Variants in RAB21 observed in about 807,000 individuals in gnomAD.
RAB21 encodes RAB21, member RAS oncogene family.
RAB21 carries 13 observed loss-of-function variants against 33.1 expected under a neutral mutation model. The ratio of observed to expected loss-of-function variants is 0.39; its 90% CI spans 0.26 to 0.62. RAB21 has a LOEUF of 0.62. Among genes scored for constraint, RAB21 ranks in the 20% least tolerant of loss-of-function variants. The probability of loss-of-function intolerance (pLI) is 0.48; values close to 1 mark genes in which losing one functional copy is unlikely to be tolerated. For missense variants in RAB21, 234 were observed against 279.1 expected (o/e 0.84, Z 1.15); for synonymous variants, 91 against 103.7 (o/e 0.88, Z 0.74).
Position 71,796,732 on chromosome 12 carries a change from G to T in RAB21, c.*11059G>T, listed in dbSNP as rs1458005045. ...AATCATACATAATTTCAAGGAAACT[G>T]CTAGAGACAATGTTGAGTATCATCA... On this transcript the variant is annotated 3_prime_UTR_variant, in exon 7 of 7. Transcript: ENST00000261263. 1.1e-5 allele frequency: 1 copy of T among 90,972 alleles called. No individual in the cohort carries two copies. The highest frequency in any genetic ancestry group is 1.2e-4 in the Admixed American group (1 of 8,220). 5.6% of individuals were successfully genotyped at this position (90,972 alleles called of 1,614,324 possible).
intron 6 of RAB21, among the ~76,000 whole-genome samples, chr12:71,783,633 A>G (rs1453224718): frequency 6.6e-6 from 1 of 152,208 alleles, no homozygotes; most frequent in Non-Finnish European, 1.5e-5. Flanking sequence ...GCCGAATCAG[A>G]ATTTCTAGGG....
chr12:71,768,581 G>A (rs1439216189), intron 1 of RAB21, among the ~76,000 whole-genome samples: 1 of 151,726 alleles, frequency 6.6e-6, no homozygotes, highest in East Asian at 1.9e-4. Flanking sequence ...CTCCAATTTT[G>A]TAAGTGTTCT....
intron 1 of RAB21, among the ~76,000 whole-genome samples, chr12:71,761,748 T>A (rs761121245): frequency 6.6e-6 from 1 of 152,204 alleles, no homozygotes; most frequent in South Asian, 2.1e-4. Flanking sequence ...CCTAGTCTAC[T>A]ACTTCTTAAA....
Position 71,754,948 on chromosome 12 carries a change from C to A in RAB21, c.-182C>A. 2 of 386,744 alleles carry A rather than the reference C, an allele frequency of 5.2e-6. No homozygotes were observed. Among genetic ancestry groups the A allele is most frequent in the South Asian group, 1.1e-4 (1 of 9,480 alleles). 24.0% of individuals were successfully genotyped at this position (386,744 alleles called of 1,614,324 possible). A position where few individuals can be genotyped will look rare whatever the true frequency, so the allele number is the denominator to read the frequency against. On this transcript the variant is annotated 5_prime_UTR_variant, in exon 1 of 7. Coordinates refer to ENST00000261263, the MANE Select transcript of RAB21 (RefSeq NM_014999.4). The stretch of plus-strand genomic sequence containing the variant: ...CGGTGCCTGACGTGGTGGGCTGGGG[C>A]CCTTCATTCTCGGACTTTCCCTCAG...
At position 71,799,510 on chromosome 12, in the gene RAB21, T is replaced by C. The variant is rs1482478274; in HGVS notation, c.*13837T>C. ...TATATCCTGTAAATATGCTTATGTA[T>C]GAAGGAAATGAGTTTGTACAACGTT... is the stretch of plus-strand genomic sequence containing the variant. On this transcript the variant is annotated 3_prime_UTR_variant, in exon 7 of 7. Coordinates refer to ENST00000261263, the MANE Select transcript of RAB21 (RefSeq NM_014999.4). 1 of 152,188 alleles carries C rather than the reference T, an allele frequency of 6.6e-6. No homozygotes were observed. Among genetic ancestry groups the C allele is most frequent in the Non-Finnish European group, 1.5e-5 (1 of 68,042 alleles). 9.4% of individuals were successfully genotyped at this position (152,188 alleles called of 1,614,324 possible).
At chr12:71,777,217 C>CA (rs1883134035) in intron 4 of RAB21, among the ~76,000 whole-genome samples, 1 of 152,148 alleles carries the variant, frequency 6.6e-6, no homozygotes, top group African/African-American at 2.4e-5. Context: ...GTTTTCCCCT[C>CA]ACCATTCCCC....
rs866318271 is a variant in RAB21, at chr12:71,794,461, C to T, written c.*8788C>T. ...TTTTTTTTTTTTTTTTTTTTTGAGA[C>T]GGAGTCTCGCTCTGTCCCAGGCCAG... On this transcript the variant is annotated 3_prime_UTR_variant, in exon 7 of 7. Transcript: ENST00000261263. The T allele has an allele frequency of 6.0e-5, 5 of 83,556 alleles. No homozygotes were observed. The highest frequency in any genetic ancestry group is 0.016 in the Middle Eastern group (1 of 64). 5.2% of individuals were successfully genotyped at this position (83,556 alleles called of 1,614,324 possible).
At chr12:71,760,460 A>G (rs1882855842) in intron 1 of RAB21, among the ~76,000 whole-genome samples, 2 of 152,238 alleles carry the variant, frequency 1.3e-5, no homozygotes, top group Admixed American at 1.3e-4. Context: ...AATTGGAGTG[A>G]GGGAGTTACT....
In RAB21 at chr12:71,795,589, G is replaced by A. The variant is rs1389945551; in HGVS notation, c.*9916G>A. On this transcript the variant is annotated 3_prime_UTR_variant, in exon 7 of 7. Transcript: ENST00000261263. The stretch of plus-strand genomic sequence containing the variant: ...TCAGTAAATTATAAATTACACAGAA[G>A]CTTCCAGCTACCTGGTATTTGCATG... 2 of 137,440 alleles carry A rather than the reference G, an allele frequency of 1.5e-5. 1 individual carries two copies. Among genetic ancestry groups the A allele is most frequent in the Non-Finnish European group, 3.0e-5 (2 of 66,030 alleles). The allele number at this position is 137,440 out of a possible 1,614,324, so 8.5% of individuals were successfully genotyped here. A position where few individuals can be genotyped will look rare whatever the true frequency, so the allele number is the denominator to read the frequency against.
At chr12:71,770,738 G>C (rs1047615375) in intron 3 of RAB21, 39 bp downstream of exon 3, 1 of 1,356,848 alleles carries the variant, frequency 7.4e-7, no homozygotes, top group Admixed American at 2.1e-5. Context: ...AAGAACAATA[G>C]TAATTTTTCA....
chr12:71,770,358 A>T (rs1883024759), intron 2 of RAB21, among the ~76,000 whole-genome samples: 1 of 152,126 alleles, frequency 6.6e-6, no homozygotes, highest in African/African-American at 2.4e-5. Context: ...GCTGAGGAGG[A>T]GGAAGGTTGG....
chr12:71,765,108 C>T (rs751862532), intron 1 of RAB21, among the ~76,000 whole-genome samples: 1 of 152,164 alleles, frequency 6.6e-6, no homozygotes, highest in African/African-American at 2.4e-5. Context: ...TTCATCACAT[C>T]CACACCAACA....
chr12:71,765,164 G>T (rs1476384565), intron 1 of RAB21, among the ~76,000 whole-genome samples: 1 of 151,972 alleles, frequency 6.6e-6, no homozygotes, highest in Non-Finnish European at 1.5e-5. Flanking sequence ...TAGGAGTAAG[G>T]GGTATGTCAT....
rs777911049 is a variant in RAB21 at position 71,782,567 on chromosome 12, A to T, written c.447-3A>T. The T allele has an allele frequency of 1.3e-5, 20 of 1,562,104 alleles. No individual in the cohort carries two copies. Among genetic ancestry groups the T allele is most frequent in the Non-Finnish European group, 1.7e-5 (20 of 1,149,714 alleles). ...TCAATCACCGATGTTACTTTTTTTTAAGGTATGCAGAATCTGTGGGAGCAA... is the reference window on the plus strand; with the variant it reads ...TCAATCACCGATGTTACTTTTTTTTTAGGTATGCAGAATCTGTGGGAGCAA... On this transcript the variant is annotated splice_polypyrimidine_tract_variant and splice_region_variant and intron_variant, in intron 5 of 6. Transcript: ENST00000261263.
chr12:71,797,240 T>G lies in RAB21; in HGVS notation c.*11567T>G, dbSNP rs927070347. 1 of 152,150 alleles carries G rather than the reference T, an allele frequency of 6.6e-6. No homozygotes were observed. Among genetic ancestry groups the G allele is most frequent in the Non-Finnish European group, 1.5e-5 (1 of 68,010 alleles). 9.4% of individuals were successfully genotyped at this position (152,150 alleles called of 1,614,324 possible). A position where few individuals can be genotyped will look rare whatever the true frequency, so the allele number is the denominator to read the frequency against. On this transcript the variant is annotated 3_prime_UTR_variant, in exon 7 of 7. Transcript: ENST00000261263. ...AAAAGGTAAAGTTAGTATTTGTAGATGATAGTGCAAAGCTTAAAAGGGTCA... is the reference window on the plus strand; with the variant it reads ...AAAAGGTAAAGTTAGTATTTGTAGAGGATAGTGCAAAGCTTAAAAGGGTCA...
intron 1 of RAB21, among the ~76,000 whole-genome samples, chr12:71,769,051 T>G (rs1883002861): frequency 6.6e-6 from 1 of 152,128 alleles, no homozygotes; most frequent in African/African-American, 2.4e-5. Flanking sequence ...CCACTTGGAG[T>G]TCCCTGTGGG....
At chr12:71,760,877 G>T (rs1300848539) in intron 1 of RAB21, among the ~76,000 whole-genome samples, 1 of 152,102 alleles carries the variant, frequency 6.6e-6, no homozygotes. Context: ...GGCTAGGCAG[G>T]TAGTATCCTA....
Position 71,798,922 on chromosome 12 carries a change from A to G in RAB21, c.*13249A>G, listed in dbSNP as rs1883501650. On this transcript the variant is annotated 3_prime_UTR_variant, in exon 7 of 7. Coordinates refer to ENST00000261263, the MANE Select transcript of RAB21 (RefSeq NM_014999.4). ...CAGATGGGGGGGCAGTCTGAATGCT[A>G]ATTAAGTTTTCTCAACTATATGCTC... 6.6e-6 allele frequency: 1 copy of G among 152,226 alleles called. No individual in the cohort carries two copies. The highest frequency in any genetic ancestry group is 1.5e-5 in the Non-Finnish European group (1 of 68,036). 9.4% of individuals were successfully genotyped at this position (152,226 alleles called of 1,614,324 possible).
chr12:71,779,821 C>G (rs920626939), intron 4 of RAB21, among the ~76,000 whole-genome samples: 2 of 152,086 alleles, frequency 1.3e-5, no homozygotes, highest in African/African-American at 4.8e-5. Flanking sequence ...GTGTTTTAAG[C>G]CTATCAGAAA....
Sources: gnomAD v4.1 joint callset for allele counts (sites outside exome capture counted in the v4.1 genomes callset) on GRCh38, gnomAD v4.1.1 for gene constraint, MANE v1.5 for transcripts, NCBI Gene and HGNC (gene_info 2026-07-23, HGNC 2026-07-21) for gene names.